BORA: variants seen among roughly 807,000 people sequenced by gnomAD.
BORA encodes the protein BORA aurora kinase A activator.
In BORA, 26 loss-of-function variants were observed where a neutral mutation model predicts 55.8. The ratio of observed to expected loss-of-function variants is 0.47; its 90% CI spans 0.34 to 0.65. The LOEUF is 0.65. BORA is among the 30% of genes least tolerant of loss of function. The probability of loss-of-function intolerance (pLI) is 0.01; values close to 1 mark genes in which losing one functional copy is unlikely to be tolerated. For missense variants in BORA, 568 were observed against 671.5 expected (o/e 0.85, Z 1.70); for synonymous variants, 201 against 216.9 (o/e 0.93, Z 0.64).
intron 4 of BORA, among the ~76,000 whole-genome samples, chr13:72,737,137 A>T (rs577739291): frequency 1.5e-4 from 23 of 152,328 alleles, no homozygotes; most frequent in African/African-American, 5.5e-4. Context: ...GTAGAAATGA[A>T]AGAGGAAAGA....
intron 3 of BORA, among the ~76,000 whole-genome samples, chr13:72,733,867 T>G (rs2032866411): frequency 1.3e-5 from 2 of 152,216 alleles, no homozygotes; most frequent in South Asian, 4.1e-4. Flanking sequence ...CATGGAATAC[T>G]ATGCAGCCAC....
chr13:72,743,995 C>T (rs185789667), intron 6 of BORA, among the ~76,000 whole-genome samples: 1 of 152,098 alleles, frequency 6.6e-6, no homozygotes, highest in Non-Finnish European at 1.5e-5. Context: ...CTTTGGCCCC[C>T]CAAAGTGCTA....
intron 5 of BORA, 102 bp downstream of exon 5, chr13:72,738,145 T>G: frequency 1.5e-6 from 1 of 657,754 alleles, no homozygotes; most frequent in East Asian, 3.9e-5. Context: ...AGAAGCTTGC[T>G]TTAAAATTCT....
Position 72,727,999 on chromosome 13 carries a change from T to C in BORA, c.-24T>C. ...AGTCGGTACTGGGGGCTTCGTTTTG[T>C]ACGCACCGGTAGGTACGCTCTTTGT... On this transcript the variant is annotated 5_prime_UTR_variant, in exon 1 of 12. Coordinates refer to ENST00000390667, the MANE Select transcript of BORA (RefSeq NM_024808.5). The C allele has an allele frequency of 1.3e-6, 2 of 1,524,538 alleles. No individual in the cohort carries two copies. The highest frequency in any genetic ancestry group is 1.2e-5 in the South Asian group (1 of 82,542). The allele number at this position is 1,524,538 out of a possible 1,614,324, so 94.4% of individuals were successfully genotyped here. A position where few individuals can be genotyped will look rare whatever the true frequency, so the allele number is the denominator to read the frequency against.
chr13:72,731,132 A>AT (rs1251308814), intron 2 of BORA, 149 bp from the exon 3 acceptor site: 1 of 595,958 alleles, frequency 1.7e-6, no homozygotes, highest in Non-Finnish European at 2.9e-6. Context: ...ACCCTTTGCC[A>AT]TTTAATTTCA....
In BORA at chr13:72,747,084, C is replaced by A; in HGVS notation, c.1455C>A (p.Val485=). Residue 485 remains valine, a synonymous_variant, in exon 10 of 12, where the codon GTC becomes GTA. Transcript: ENST00000390667. The part of the protein sequence containing the change: ...MCMSPLAESS[V]IPCESSNIQM... ...TGTCACCTCTTGCTGAAAGCAGTGT[C>A]ATTCCTTGTGAAAGCAGTAACATTC... 6.2e-7 allele frequency: 1 copy of A among 1,613,758 alleles called. No homozygotes were observed. Among genetic ancestry groups the A allele is most frequent in the South Asian group, 1.1e-5 (1 of 91,052 alleles).
chr13:72,728,300 G>A (rs769784159), intron 1 of BORA: 39 of 642,692 alleles, frequency 6.1e-5, no homozygotes, highest in African/African-American at 5.1e-4. Context: ...AAGTAATGCA[G>A]TCTCCCTTTC....
intron 4 of BORA, among the ~76,000 whole-genome samples, 173 bp from the exon 5 acceptor site, chr13:72,737,787 CTT>C (rs1477692870): frequency 2.0e-5 from 3 of 152,102 alleles, no homozygotes; most frequent in Admixed American, 2.0e-4. Context: ...TAAGATTCCT[CTT>C]TATATATACT....
chr13:72,743,477 T>C, intron 5 of BORA, 60 bp from the exon 6 acceptor site: 4 of 1,242,332 alleles, frequency 3.2e-6, no homozygotes, highest in Non-Finnish European at 4.4e-6. Flanking sequence ...TTGGAAAAAG[T>C]AATGCTAAAG....
intron 10 of BORA, among the ~76,000 whole-genome samples, chr13:72,747,880 T>A (rs984359833): frequency 2.6e-5 from 4 of 152,158 alleles, no homozygotes; most frequent in Non-Finnish European, 5.9e-5. Flanking sequence ...TTTAGAAACA[T>A]GATTTATAGC....
At chr13:72,742,713 C>G (rs1386743810) in intron 5 of BORA, among the ~76,000 whole-genome samples, 2 of 150,998 alleles carry the variant, frequency 1.3e-5, no homozygotes. Context: ...TGGAGTCAAC[C>G]TAAGTGTCCA....
chr13:72,751,035 A>G (rs2033261415), intron 10 of BORA, among the ~76,000 whole-genome samples: 1 of 152,184 alleles, frequency 6.6e-6, no homozygotes, highest in Non-Finnish European at 1.5e-5. Context: ...AGCTTTATAA[A>G]TCCCAGAAAG....
At chr13:72,739,360 C>G (rs2032992649) in intron 5 of BORA, among the ~76,000 whole-genome samples, 1 of 152,142 alleles carries the variant, frequency 6.6e-6, no homozygotes, top group Non-Finnish European at 1.5e-5. Flanking sequence ...TCTAATCAAG[C>G]CCACGATAAC....
intron 8 of BORA, 79 bp from the exon 9 acceptor site, chr13:72,745,865 G>C: frequency 7.8e-7 from 1 of 1,282,868 alleles, no homozygotes; most frequent in South Asian, 1.7e-5. Flanking sequence ...GTGTTTTGAA[G>C]ACCATGATAA....
At chr13:72,742,765 TATACACACACACACACAC>T (rs1342453666) in intron 5 of BORA, among the ~76,000 whole-genome samples, 744 of 54,028 alleles carry the variant, frequency 0.014, 8 homozygotes, top group African/African-American at 0.029. Context: ...TATATATATA[TATACACACACACACACAC>T]ACACACACAC....
intron 11 of BORA, 62 bp downstream of exon 11, chr13:72,753,883 A>G: frequency 6.9e-6 from 10 of 1,452,630 alleles, no homozygotes; most frequent in Non-Finnish European, 9.4e-6. Context: ...AATAATTTTG[A>G]TTATTAGACA....
chr13:72,752,053 T>G (rs1029573638), intron 10 of BORA: 1 of 152,146 alleles, frequency 6.6e-6, no homozygotes, highest in African/African-American at 2.4e-5. Context: ...GACATCTGAT[T>G]TATGTGGTAG....
chr13:72,745,955 T>C lies in BORA; in HGVS notation c.750T>C (p.Ser250=). The C allele has an allele frequency of 1.2e-6, 2 of 1,609,624 alleles. No individual in the cohort carries two copies. Among genetic ancestry groups the C allele is most frequent in the Non-Finnish European group, 1.7e-6 (2 of 1,178,038 alleles). ...PLQTPSSGQF[S]SSPIQASAKK... ...TAATTTTATTACAGGGGCAGTTTTC[T>C]TCTAGCCCTATTCAGGCTAGTGCAA... Residue 250 remains serine, a synonymous_variant, in exon 9 of 12, where the codon TCT becomes TCC. Transcript: ENST00000390667.
chr13:72,742,527 C>CT (rs1258561187), intron 5 of BORA, among the ~76,000 whole-genome samples: 1 of 151,674 alleles, frequency 6.6e-6, no homozygotes, highest in Non-Finnish European at 1.5e-5. Flanking sequence ...TATCCCTAAC[C>CT]TTTTAAGGTT....
Sources: gnomAD v4.1 joint callset for allele counts (sites outside exome capture counted in the v4.1 genomes callset) on GRCh38, gnomAD v4.1.1 for gene constraint, MANE v1.5 for transcripts, NCBI Gene and HGNC (gene_info 2026-07-23, HGNC 2026-07-21) for gene names.